The following DTNA variants were observed in gnomAD, a reference collection of about 807,000 sequenced individuals.
The protein encoded by DTNA is dystrophin-related protein 3.
Under a neutral mutation model 100.7 loss-of-function variants are expected in DTNA, and 43 were observed. The observed-to-expected ratio is 0.43, with a 90% CI of 0.33 to 0.55. The LOEUF is 0.55. Ranked by LOEUF, DTNA falls within the 20% of genes least tolerant of loss-of-function variation. The pLI is 0.04. For synonymous variants in DTNA, 349 were observed against 347.9 expected (o/e 1.00, Z -0.04); for missense variants, 798 against 953.9 (o/e 0.84, Z 2.15).
intron 1 of DTNA, among the ~76,000 whole-genome samples, chr18:34,573,193 C>T (rs2047760261): frequency 1.3e-5 from 2 of 152,082 alleles, no homozygotes; most frequent in Admixed American, 1.3e-4. Flanking sequence ...TCCTTTATTC[C>T]TCTGTGTTTA....
At chr18:34,753,356 TATTTA>T in intron 1 of DTNA, among the ~76,000 whole-genome samples, 2 of 1,282 alleles carry the variant, frequency 1.6e-3, no homozygotes, top group African/African-American at 4.4e-3. Flanking sequence ...TTTATTTATT[TATTTA>T]TTTTATTTTT....
At chr18:34,503,296 T>C (rs916230866) in intron 1 of DTNA, among the ~76,000 whole-genome samples, 1 of 139,468 alleles carries the variant, frequency 7.2e-6, no homozygotes, top group Non-Finnish European at 1.5e-5. Context: ...TTTTTTTTTT[T>C]TTTTTTTTTG....
At chr18:34,861,435 G>A (rs372246248) in intron 16 of DTNA, among the ~76,000 whole-genome samples, 92 of 134,604 alleles carry the variant, frequency 6.8e-4, no homozygotes, top group Middle Eastern at 9.0e-3. Context: ...GCAGTGAGCC[G>A]AGATCACGCC....
chr18:34,713,837 A>G (rs1364575741), intron 1 of DTNA, among the ~76,000 whole-genome samples: 4 of 151,672 alleles, frequency 2.6e-5, no homozygotes, highest in Non-Finnish European at 5.9e-5. Context: ...GGTCCTTCAC[A>G]TCCCTTGTAA....
intron 4 of DTNA, among the ~76,000 whole-genome samples, chr18:34,796,523 GA>G (rs2094977287): frequency 6.6e-6 from 1 of 152,174 alleles, no homozygotes; most frequent in South Asian, 2.1e-4. Flanking sequence ...ACTACTAAAA[GA>G]AAGATGTGCT....
At chr18:34,875,999 A>G (rs1454701346) in intron 18 of DTNA, among the ~76,000 whole-genome samples, 1 of 152,212 alleles carries the variant, frequency 6.6e-6, no homozygotes, top group East Asian at 1.9e-4. Context: ...AACACTTTTT[A>G]AAACCTCTTC....
At chr18:34,725,096 C>T (rs545309748) in intron 1 of DTNA, among the ~76,000 whole-genome samples, 50 of 152,178 alleles carry the variant, frequency 3.3e-4, no homozygotes, top group Non-Finnish European at 5.4e-4. Flanking sequence ...AAAATTAACT[C>T]AAGATGGATT....
rs2058261662 is a variant in DTNA at position 34,633,020 on chromosome 18, A to G, written c.-1-122956A>G. The stretch of plus-strand genomic sequence containing the variant: ...AAATTCTGAAAGTTAGTAAATGGTA[A>G]AACCAGTATTTGAATCCAGGTAGTC... On this transcript the variant is annotated intron_variant, in intron 1 of 19. Coordinates refer to the DTNA transcript ENST00000283365. Among the ~76,000 whole-genome samples, 3 of 152,210 alleles carry G rather than the reference A, an allele frequency of 2.0e-5. 1 individual carries two copies. Among genetic ancestry groups the G allele is most frequent in the Non-Finnish European group, 4.4e-5 (3 of 68,036 alleles).
intron 1 of DTNA, among the ~76,000 whole-genome samples, chr18:34,517,288 A>T (rs901144711): frequency 6.6e-6 from 1 of 152,158 alleles, no homozygotes; most frequent in African/African-American, 2.4e-5. Flanking sequence ...TTATTTTCAG[A>T]TAATTACAGA....
chr18:34,595,889 C>A (rs1000247163), intron 1 of DTNA, among the ~76,000 whole-genome samples: 1 of 152,140 alleles, frequency 6.6e-6, no homozygotes, highest in Non-Finnish European at 1.5e-5. Context: ...ACCTCTGTGA[C>A]AAGAAGGCTG....
At chr18:34,787,664 T>C (rs2094555284) in intron 3 of DTNA, among the ~76,000 whole-genome samples, 1 of 152,146 alleles carries the variant, frequency 6.6e-6, no homozygotes, top group South Asian at 2.1e-4. Context: ...CCATCTCCCA[T>C]TAAAATAGTG....
intron 9 of DTNA, chr18:34,825,419 C>A: frequency 9.8e-7 from 1 of 1,023,684 alleles, no homozygotes; most frequent in South Asian, 1.3e-5. Context: ...CACAAGGATG[C>A]CACTTATATA....
intron 4 of DTNA, among the ~76,000 whole-genome samples, chr18:34,804,557 G>T (rs1283690885): frequency 6.6e-6 from 1 of 152,136 alleles, no homozygotes; most frequent in Non-Finnish European, 1.5e-5. Flanking sequence ...TTAAGGAAGA[G>T]CAAGAAATCA....
At chr18:34,605,382 A>G (rs1400184009) in intron 1 of DTNA, among the ~76,000 whole-genome samples, 1 of 152,196 alleles carries the variant, frequency 6.6e-6, no homozygotes, top group East Asian at 1.9e-4. Context: ...CTAATAAGGT[A>G]ATATAAGAAT....
At chr18:34,661,499 C>A (rs1385313910) in intron 1 of DTNA, among the ~76,000 whole-genome samples, 1 of 152,172 alleles carries the variant, frequency 6.6e-6, no homozygotes, top group Non-Finnish European at 1.5e-5. Flanking sequence ...TTTCTGGCTT[C>A]TTTTACCCCA....
At chr18:34,747,104 C>CTATATCTATATATATATATATATA (rs1555757664) in intron 1 of DTNA, among the ~76,000 whole-genome samples, 2 of 148,228 alleles carry the variant, frequency 1.3e-5, no homozygotes, top group African/African-American at 5.0e-5. Flanking sequence ...ATATCTGTAT[C>CTATATCTATATATATATATATATA]TATATATATA....
At chr18:34,705,170 A>G (rs1194099308) in intron 1 of DTNA, among the ~76,000 whole-genome samples, 1 of 152,136 alleles carries the variant, frequency 6.6e-6, no homozygotes, top group Non-Finnish European at 1.5e-5. Flanking sequence ...CTCTTTTGGA[A>G]TTTTTCCATT....
chr18:34,543,337 A>G (rs923718019), intron 1 of DTNA, among the ~76,000 whole-genome samples: 18 of 152,102 alleles, frequency 1.2e-4, no homozygotes, highest in African/African-American at 4.1e-4. Context: ...AAAAATTCTA[A>G]CAAAAGGAAT....
At chr18:34,803,721 A>G (rs1348757294) in intron 4 of DTNA, among the ~76,000 whole-genome samples, 6 of 152,226 alleles carry the variant, frequency 3.9e-5, no homozygotes, top group African/African-American at 1.2e-4. Flanking sequence ...AATGTTTGAT[A>G]CTTCCAGTTA....
Sources: gnomAD v4.1 joint callset for allele counts (sites outside exome capture counted in the v4.1 genomes callset) on GRCh38, gnomAD v4.1.1 for gene constraint, MANE v1.5 for transcripts, NCBI Gene and HGNC (gene_info 2026-07-23, HGNC 2026-07-21) for gene names.